The following CACNA1S variants were observed in gnomAD, a reference collection of about 807,000 sequenced individuals.
The protein encoded by CACNA1S is calcium voltage-gated channel subunit alpha1 S.
In CACNA1S, 126 loss-of-function variants were observed where a neutral mutation model predicts 207.4. The ratio of observed to expected loss-of-function variants is 0.61; its 90% CI spans 0.53 to 0.70. The LOEUF is 0.70. Among genes scored for constraint, CACNA1S ranks in the 30% least tolerant of loss-of-function variants. The pLI is 0.00. For synonymous variants in CACNA1S, 960 were observed against 932.7 expected (o/e 1.03, Z -0.53); for missense variants, 2,349 against 2,422.8 (o/e 0.97, Z 0.64).
chr1:201,055,662 C>A (rs1660814815), intron 28 of CACNA1S, among the ~76,000 whole-genome samples: 1 of 152,222 alleles, frequency 6.6e-6, no homozygotes, highest in Non-Finnish European at 1.5e-5. Context: ...TTGGACAGGG[C>A]AGACCATTTC....
At position 201,074,492 on chromosome 1, in the gene CACNA1S, A is replaced by G. The variant is rs766052615; in HGVS notation, c.2063+14T>C. Reference sequence around the variant, plus strand: ...TGAGCACTCCAGGTCCCTTCCTGCTAAGGAAGCACTCACTTGGACATCTTC... The same window carrying G: ...TGAGCACTCCAGGTCCCTTCCTGCTGAGGAAGCACTCACTTGGACATCTTC... On this transcript the variant is annotated intron_variant, in intron 14 of 43. Transcript: ENST00000362061. 8 of 1,545,980 alleles carry G rather than the reference A, an allele frequency of 5.2e-6. No homozygotes were observed. The highest frequency in any genetic ancestry group is 7.2e-6 in the Non-Finnish European group (8 of 1,118,582).
rs1661218510 is a variant in CACNA1S, at chr1:201,065,886, A to G, written c.2805T>C (p.Thr935=). The change falls in exon 22 of 44, where the codon ACT becomes ACC. Residue 935 remains threonine, a synonymous_variant. Transcript: ENST00000362061. The part of the protein sequence containing the change: ...ISTIGNIVLV[T]TLLQFMFACI... ...AGGCAAACATGAACTGTAGGAGGGT[A>G]GTGACCAGCACGATGTTCCCGATGG... 3 of 1,614,016 alleles carry G rather than the reference A, an allele frequency of 1.9e-6. No homozygotes were observed. Among genetic ancestry groups the G allele is most frequent in the Non-Finnish European group, 2.5e-6 (3 of 1,180,000 alleles).
At position 201,087,860 on chromosome 1, in the gene CACNA1S, A is replaced by G. The variant is rs1297405235; in HGVS notation, c.970T>C (p.Phe324Leu). The change falls in exon 7 of 44, where the codon TTC (phenylalanine) becomes CTC (leucine). Residue 324 changes from phenylalanine (F) to leucine (L), a missense_variant. Coordinates refer to ENST00000362061, the MANE Select transcript of CACNA1S (RefSeq NM_000069.3). The part of the protein sequence containing the change: ...FVTLILLGSF[F>L]ILNLVLGVLS... ...ACACCCAGCACCAGGTTGAGGATGA[A>G]GAAGGATCCCAGCAAAATGAGGGTG... The G allele has an allele frequency of 6.2e-7, 1 of 1,613,880 alleles. No individual in the cohort carries two copies. The highest frequency in any genetic ancestry group is 1.7e-5 in the Admixed American group (1 of 60,022).
Position 201,043,119 on chromosome 1 carries a change from C to T in CACNA1S, c.5048+162G>A, listed in dbSNP as rs2279944. On this transcript the variant is annotated intron_variant, in intron 40 of 43. Transcript: ENST00000362061. ...TGCTGGCCAAAGAAGCCTCTGCCAT[C>T]GAGGTCGGCCTCTTACATTAAGGTT... is the stretch of plus-strand genomic sequence containing the variant. The T allele has an allele frequency of 0.12, 98,384 of 831,232 alleles. 6,095 individuals carry two copies. The highest frequency in any genetic ancestry group is 0.14 in the African/African-American group (8,235 of 59,542). The allele number at this position is 831,232 out of a possible 1,614,324, so 51.5% of individuals were successfully genotyped here.
At chr1:201,084,303 C>A (rs1023605443) in intron 9 of CACNA1S, among the ~76,000 whole-genome samples, 3 of 151,760 alleles carry the variant, frequency 2.0e-5, no homozygotes, top group African/African-American at 7.3e-5. Context: ...AATCCTGGCA[C>A]GTGTGTGTGT....
At chr1:201,068,130 G>A (rs1661312585) in intron 19 of CACNA1S, among the ~76,000 whole-genome samples, 1 of 151,960 alleles carries the variant, frequency 6.6e-6, no homozygotes, top group Admixed American at 6.6e-5. Context: ...CCAGCTCAGG[G>A]CAGCAGTCAC....
chr1:201,099,814 C>A (rs74136319), intron 2 of CACNA1S, among the ~76,000 whole-genome samples: 2,443 of 152,322 alleles, frequency 0.016, 65 homozygotes, highest in African/African-American at 0.055. Flanking sequence ...GACAGCTGGA[C>A]TGGGCCCCCT....
chr1:201,088,818 A>ATATAGAC (rs1271877397), intron 6 of CACNA1S, among the ~76,000 whole-genome samples: 1 of 152,216 alleles, frequency 6.6e-6, no homozygotes, highest in Non-Finnish European at 1.5e-5. Flanking sequence ...ACTAACTCTG[A>ATATAGAC]TATAGACAGT....
At chr1:201,104,253 C>A (rs1003295521) in intron 2 of CACNA1S, among the ~76,000 whole-genome samples, 2 of 152,176 alleles carry the variant, frequency 1.3e-5, no homozygotes, top group African/African-American at 4.8e-5. Flanking sequence ...AGGGCCCCTG[C>A]CTCTACCCCA....
Position 201,069,812 on chromosome 1 carries a change from C to T in CACNA1S, c.2361-211G>A, listed in dbSNP as rs572864244. On this transcript the variant is annotated intron_variant, in intron 17 of 43. Coordinates refer to ENST00000362061, the MANE Select transcript of CACNA1S (RefSeq NM_000069.3). ...GTTTCTAAAGCCTTAGTTCCTCCTC[C>T]CAGCCAAGCCCCTCCCACCACCTGC... Among the ~76,000 whole-genome samples, 6 of 152,274 alleles carry T rather than the reference C, an allele frequency of 3.9e-5. No homozygotes were observed. The South Asian group carries it at 1.0e-3, about 26-fold the overall frequency.
chr1:201,103,972 T>C (rs1310673671), intron 2 of CACNA1S, among the ~76,000 whole-genome samples: 1 of 151,476 alleles, frequency 6.6e-6, no homozygotes, highest in Non-Finnish European at 1.5e-5. Context: ...TGGGCAGCCA[T>C]CTTGCAGAGC....
At chr1:201,098,516 C>T (rs183972946) in intron 2 of CACNA1S, among the ~76,000 whole-genome samples, 2 of 152,302 alleles carry the variant, frequency 1.3e-5, no homozygotes, top group Admixed American at 6.5e-5. Context: ...AAATTAAAAA[C>T]GACGAACTGT....
intron 33 of CACNA1S, 89 bp downstream of exon 33, chr1:201,050,895 G>T: frequency 7.3e-7 from 1 of 1,379,130 alleles, no homozygotes. Flanking sequence ...CAGGAGAGGT[G>T]GAAACTGGCC....
At chr1:201,101,310 A>G (rs1161067370) in intron 2 of CACNA1S, among the ~76,000 whole-genome samples, 2 of 152,180 alleles carry the variant, frequency 1.3e-5, no homozygotes, top group Non-Finnish European at 2.9e-5. Context: ...GTGTCACATA[A>G]CCCAGATAAC....
chr1:201,085,363 G>A, intron 8 of CACNA1S, 73 bp downstream of exon 8: 1 of 1,597,004 alleles, frequency 6.3e-7, no homozygotes, highest in Non-Finnish European at 8.6e-7. Flanking sequence ...CAGTGGGCCT[G>A]ATTGCAAGGT....
In CACNA1S at chr1:201,095,060, C is replaced by T. The variant is rs533104890; in HGVS notation, c.259-1039G>A. ...GCCTTCCCAGATTAGCACAGCCTCCCGAGGGGGTGCTGACCCAGCCTGCAG... is the reference window on the plus strand; with the variant it reads ...GCCTTCCCAGATTAGCACAGCCTCCTGAGGGGGTGCTGACCCAGCCTGCAG... On this transcript the variant is annotated intron_variant, in intron 2 of 43. Transcript: ENST00000362061. Among the ~76,000 whole-genome samples, 349 of 151,930 alleles carry T rather than the reference C, an allele frequency of 2.3e-3. 2 individuals are homozygous for T. The highest frequency in any genetic ancestry group is 8.0e-3 in the African/African-American group (331 of 41,438).
rs1661494446 is a variant in CACNA1S at position 201,073,533 on chromosome 1, C to T, written c.2157+16G>A. ...GCCCCTAGACTGCCTCTAACATCCC[C>T]ACCTGAGGTGCTCACCTTGGCAGTG... On this transcript the variant is annotated intron_variant, in intron 15 of 43. Transcript: ENST00000362061. 2 of 1,601,934 alleles carry T rather than the reference C, an allele frequency of 1.2e-6. No individual in the cohort carries two copies. The highest frequency in any genetic ancestry group is 1.7e-6 in the Non-Finnish European group (2 of 1,168,934).
At chr1:201,043,667 T>C in intron 39 of CACNA1S, 136 bp from the exon 40 acceptor site, 1 of 778,280 alleles carries the variant, frequency 1.3e-6, no homozygotes, top group Non-Finnish European at 2.1e-6. Context: ...GAGGATGGAC[T>C]GAGTGGTGAG....
chr1:201,069,111 A>T (rs773186390), intron 19 of CACNA1S, 26 bp downstream of exon 19: 2 of 1,607,854 alleles, frequency 1.2e-6, no homozygotes, highest in Non-Finnish European at 1.7e-6. Context: ...CTCCCTCCCC[A>T]GGGCTGCCCC....
Sources: allele counts gnomAD v4.1 joint callset (sites outside exome capture counted in the v4.1 genomes callset), GRCh38; gene constraint gnomAD v4.1.1; transcripts MANE v1.5; gene names NCBI Gene and HGNC (gene_info 2026-07-23, HGNC 2026-07-21).